Variants in FGFR4 observed in about 807,000 individuals in gnomAD.
The protein encoded by FGFR4 is fibroblast growth factor receptor 4.
FGFR4 carries 63 observed loss-of-function variants against 89.9 expected under a neutral mutation model. The ratio of observed to expected loss-of-function variants is 0.70; its 90% CI spans 0.57 to 0.86. The LOEUF is 0.86. Among genes scored for constraint, FGFR4 ranks in the 40% least tolerant of loss-of-function variants. FGFR4 has a pLI of 0.00. For synonymous variants in FGFR4, 486 were observed against 479.4 expected (o/e 1.01, Z -0.18); for missense variants, 928 against 1,106.7 (o/e 0.84, Z 2.29).
At position 177,090,412 on chromosome 5, in the gene FGFR4, G is replaced by A. The variant is rs757295817; in HGVS notation, c.114G>A (p.Leu38=). The A allele has an allele frequency of 1.2e-6, 2 of 1,603,556 alleles. No individual in the cohort carries two copies. The highest frequency in any genetic ancestry group is 1.1e-5 in the South Asian group (1 of 91,072). Residue 38 remains leucine (L), a synonymous_variant, in exon 3 of 18, where the codon CTG becomes CTA. Coordinates refer to ENST00000292408, the MANE Select transcript of FGFR4 (RefSeq NM_213647.3). ...VELEPCLAPS[L]EQQEQELTVA... ...CAGAGCCCTGCCTGGCTCCCAGCCTGGAGCAGCAAGAGCAGGAGCTGACAG... is the reference window on the plus strand; with the variant it reads ...CAGAGCCCTGCCTGGCTCCCAGCCTAGAGCAGCAAGAGCAGGAGCTGACAG...
In FGFR4 at chr5:177,093,355, A is replaced by T. The variant is rs765807048; in HGVS notation, c.1251+24A>T. On this transcript the variant is annotated intron_variant, in intron 9 of 17. Coordinates refer to ENST00000292408, the MANE Select transcript of FGFR4 (RefSeq NM_213647.3). This position sits in a 1 kb window ranked among gnomAD's most constrained non-coding sequence, Gnocchi z 5.8. ...AGGTACTGGGCGCATCCCCCACCTC[A>T]CATGTGACAGCCTGACTCCAGCAGG... 6.2e-7 allele frequency: 1 copy of T among 1,613,294 alleles called. No individual in the cohort carries two copies. Among genetic ancestry groups the T allele is most frequent in the Non-Finnish European group, 8.5e-7 (1 of 1,179,766 alleles).
rs749444771 is a variant in FGFR4 at position 177,093,589 on chromosome 5, G to A, written c.1397+38G>A. Reference sequence around the variant, plus strand: ...GTGTGGGGGCAGGGACGCGGGCGCCGGGTTGCAGCCCGCCCTCCGCAGGAG... The same window carrying A: ...GTGTGGGGGCAGGGACGCGGGCGCCAGGTTGCAGCCCGCCCTCCGCAGGAG... On this transcript the variant is annotated intron_variant, in intron 10 of 17. Transcript: ENST00000292408. The surrounding 1 kb of genome is among the most constrained non-coding windows in gnomAD (Gnocchi z 5.8). The A allele has an allele frequency of 1.2e-5, 19 of 1,612,286 alleles. No homozygotes were observed. Among genetic ancestry groups the A allele is most frequent in the Admixed American group, 5.0e-5 (3 of 59,960 alleles).
chr5:177,089,536 C>G lies in FGFR4; in HGVS notation c.-53-14C>G, dbSNP rs3135918. ...TGCACGTGTAGCAGGAGCTCTTTTC[C>G]CTCCCTATTTTAGGAAGGCAGTTGG... On this transcript the variant is annotated splice_polypyrimidine_tract_variant and intron_variant, in intron 1 of 17. Coordinates refer to ENST00000292408, the MANE Select transcript of FGFR4 (RefSeq NM_213647.3). The G allele has an allele frequency of 0.027, 41,903 of 1,549,868 alleles. 692 individuals are homozygous for G. Among genetic ancestry groups the G allele is most frequent in the Middle Eastern group, 0.046 (268 of 5,804 alleles).
chr5:177,090,177 T>A, intron 2 of FGFR4: 1 of 712,986 alleles, frequency 1.4e-6, no homozygotes, highest in Non-Finnish European at 2.5e-6. Flanking sequence ...TCGTGTGCAC[T>A]AAATGCTGTG....
rs765796394 is a variant in FGFR4 at position 177,097,668 on chromosome 5, C to A, written c.2401C>A (p.Gln801Lys). 6.2e-7 allele frequency: 1 copy of A among 1,613,768 alleles called. No individual in the cohort carries two copies. The highest frequency in any genetic ancestry group is 1.7e-5 in the Admixed American group (1 of 59,990). The change falls in exon 18 of 18, where the codon CAG (glutamine) becomes AAG (lysine). Residue 801 changes from glutamine to lysine, a missense_variant. Gln to Lys is a moderately conservative substitution (Grantham distance 53). Transcript: ENST00000292408. ...SSSFPFGSGV[Q>K]T Reference sequence around the variant, plus strand: ...CTCCTTCCCCTTCGGGTCTGGGGTGCAGACATGAGCAAGGCTCAAGGCTGT... The same window carrying A: ...CTCCTTCCCCTTCGGGTCTGGGGTGAAGACATGAGCAAGGCTCAAGGCTGT...
At chr5:177,089,760 G>C in intron 2 of FGFR4, 67 bp downstream of exon 2, 1 of 1,575,998 alleles carries the variant, frequency 6.3e-7, no homozygotes, top group Non-Finnish European at 8.6e-7. Flanking sequence ...GGGGCTGCTG[G>C]GCTGAGCAAA....
chr5:177,096,522 G>A (rs1332445803), intron 15 of FGFR4, 82 bp from the exon 16 acceptor site: 1 of 1,565,170 alleles, frequency 6.4e-7, no homozygotes, highest in African/African-American at 1.4e-5. Flanking sequence ...AGCTGTGGTG[G>A]GTCATGTCTG....
rs747454035 is a variant in FGFR4 at position 177,093,798 on chromosome 5, G to A, written c.1519+23G>A. On this transcript the variant is annotated intron_variant, in intron 11 of 17. Coordinates refer to ENST00000292408, the MANE Select transcript of FGFR4 (RefSeq NM_213647.3). The surrounding 1 kb of genome is among the most constrained non-coding windows in gnomAD (Gnocchi z 5.8). ...AAGGTGAGTGTGGCCCGGTGTGGTG[G>A]CTCACACCTGTAACGCCAGCACTTT... 4 of 1,601,606 alleles carry A rather than the reference G, an allele frequency of 2.5e-6. No individual in the cohort carries two copies. The African/African-American group carries it at 4.0e-5, about 16-fold the overall frequency.
At chr5:177,090,687 T>C (rs2656910) in intron 3 of FGFR4, 34 bp downstream of exon 3, 3 of 1,540,326 alleles carry the variant, frequency 1.9e-6, no homozygotes, top group African/African-American at 2.8e-5. Context: ...AAGGGATGCC[T>C]GGGGAGACAG....
intron 6 of FGFR4, 95 bp from the exon 7 acceptor site, chr5:177,092,226 T>C: frequency 7.8e-7 from 1 of 1,279,396 alleles, no homozygotes; most frequent in Non-Finnish European, 1.1e-6. Flanking sequence ...TGCAGAAAGG[T>C]CCCTCCCTTG....
intron 7 of FGFR4, 45 bp downstream of exon 7, chr5:177,092,556 A>T (rs1221384606): frequency 6.4e-7 from 1 of 1,563,008 alleles, no homozygotes; most frequent in South Asian, 1.2e-5. Context: ...TTCTTCTCCC[A>T]CCTTGGGTTG....
intron 3 of FGFR4, 27 bp from the exon 4 acceptor site, chr5:177,090,718 A>G (rs1386319164): frequency 1.4e-5 from 22 of 1,573,928 alleles, no homozygotes; most frequent in Non-Finnish European, 1.8e-5. Context: ...CTTGGACCTT[A>G]GATGCTTCCC....
intron 2 of FGFR4, 50 bp downstream of exon 2, chr5:177,089,743 C>T (rs992898244): frequency 6.9e-6 from 11 of 1,595,194 alleles, no homozygotes; most frequent in South Asian, 1.1e-5. Flanking sequence ...AGAGTGGGCA[C>T]CAGGAGGGGG....
rs937173838 is a variant in FGFR4 at position 177,096,171 on chromosome 5, A to G, written c.1936A>G (p.Thr646Ala). 2.5e-6 allele frequency: 4 copies of G among 1,613,688 alleles called. No homozygotes were observed. In the African/African-American group the frequency reaches 5.3e-5, roughly 22 times the overall value. ...CCACCACATTGACTACTATAAGAAA[A>G]CCAGCAACGTGAGGGAGATGGGGCA... ...GVHHIDYYKK[T>A]SNGRLPVKWM... Residue 646 changes from threonine to alanine, a missense_variant, in exon 14 of 18, where the codon ACC becomes GCC. Thr to Ala is a moderately conservative substitution (Grantham distance 58). Transcript: ENST00000292408.
At chr5:177,094,578 T>A (rs1430128980) in intron 11 of FGFR4, among the ~76,000 whole-genome samples, 6 of 151,782 alleles carry the variant, frequency 4.0e-5, no homozygotes, top group Non-Finnish European at 7.4e-5. Flanking sequence ...ACAGCCCTTC[T>A]GCTTGCACCC....
In FGFR4 at chr5:177,093,771, C is replaced by G; in HGVS notation, c.1515C>G (p.Leu505=). The change falls in exon 11 of 18, where the codon CTC becomes CTG. Residue 505 remains leucine (L), a synonymous_variant. Coordinates refer to ENST00000292408, the MANE Select transcript of FGFR4 (RefSeq NM_213647.3). This position sits in a 1 kb window ranked among gnomAD's most constrained non-coding sequence, Gnocchi z 5.8. ...DQASTVAVKM[L]KDNASDKDLA... Reference sequence around the variant, plus strand: ...CCAGCACTGTGGCCGTCAAGATGCTCAAAGGTGAGTGTGGCCCGGTGTGGT... The same window carrying G: ...CCAGCACTGTGGCCGTCAAGATGCTGAAAGGTGAGTGTGGCCCGGTGTGGT... The G allele has an allele frequency of 6.2e-7, 1 of 1,612,154 alleles. No individual in the cohort carries two copies. Among genetic ancestry groups the G allele is most frequent in the Non-Finnish European group, 8.5e-7 (1 of 1,179,258 alleles).
chr5:177,093,720 C>T lies in FGFR4; in HGVS notation c.1464C>T (p.Gly488=), dbSNP rs1007198503. ...AGGTAGTACGTGCAGAGGCCTTTGG[C>T]ATGGACCCTGCCCGGCCTGACCAAG... ...FGQVVRAEAF[G]MDPARPDQAS... Residue 488 remains glycine (G), a synonymous_variant, in exon 11 of 18, where the codon GGC becomes GGT. Coordinates refer to ENST00000292408, the MANE Select transcript of FGFR4 (RefSeq NM_213647.3). This position sits in a 1 kb window ranked among gnomAD's most constrained non-coding sequence, Gnocchi z 5.8. The T allele has an allele frequency of 6.2e-6, 10 of 1,613,984 alleles. No individual in the cohort carries two copies. In the African/African-American group the frequency reaches 6.7e-5, roughly 11 times the overall value.
In FGFR4 at chr5:177,096,570, G is replaced by A. The variant is rs201315704; in HGVS notation, c.2016-34G>A. On this transcript the variant is annotated intron_variant, in intron 15 of 17. Transcript: ENST00000292408. Reference sequence around the variant, plus strand: ...TCCTAGCCCCGGTCGTCGGGAGGGCGCTGAGCCACACTGAGCCCTGGCCCT... The same window carrying A: ...TCCTAGCCCCGGTCGTCGGGAGGGCACTGAGCCACACTGAGCCCTGGCCCT... 19 of 1,611,262 alleles carry A rather than the reference G, an allele frequency of 1.2e-5. No individual in the cohort carries two copies. The Admixed American group carries it at 2.0e-4, about 17-fold the overall frequency.
intron 15 of FGFR4, 73 bp downstream of exon 15, chr5:177,096,430 G>A (rs1457225156): frequency 6.3e-7 from 1 of 1,584,058 alleles, no homozygotes; most frequent in Admixed American, 1.7e-5. Context: ...CGTGGCCCCA[G>A]GAGTCATGCG....
Sources: allele counts gnomAD v4.1 joint callset (sites outside exome capture counted in the v4.1 genomes callset), GRCh38; gene constraint gnomAD v4.1.1; non-coding constraint Gnocchi (gnomAD v3.1); transcripts MANE v1.5; gene names NCBI Gene and HGNC (gene_info 2026-07-23, HGNC 2026-07-21).